Variants in PARVG observed in about 807,000 individuals in gnomAD.
The protein encoded by PARVG is gamma-parvin.
In PARVG, 36 loss-of-function variants were observed where a neutral mutation model predicts 44.4. That is an observed-to-expected ratio of 0.81 (90% CI 0.62 to 1.07). The LOEUF (loss-of-function observed/expected upper bound fraction) is 1.07, where lower values mean the gene tolerates loss of function less well. Among genes scored for constraint, PARVG ranks in the 50% least tolerant of loss-of-function variants. The pLI, the probability that PARVG is intolerant of heterozygous loss-of-function variation, is 0.00. For missense variants in PARVG, 407 were observed against 407.4 expected, an observed-to-expected ratio of 1.00 and a Z score of 0.01; for synonymous variants, 170 against 174.1, an observed-to-expected ratio of 0.98 and a Z score of 0.19.
chr22:44,183,373 G>A lies in PARVG; in HGVS notation c.44G>A (p.Gly15Glu), dbSNP rs146468235. 7 of 1,609,736 alleles carry A rather than the reference G, an allele frequency of 4.3e-6. No homozygotes were observed. Among genetic ancestry groups the A allele is most frequent in the South Asian group, 1.1e-5 (1 of 89,914 alleles). Residue 15 changes from glycine (G) to glutamate (E), a missense_variant, in exon 3 of 14, where the codon GGG (glycine) becomes GAG (glutamate). Physicochemically the swap from Gly to Glu is moderately conservative, Grantham distance 98. Transcript: ENST00000444313. ...TACGACCTGCTGCAGCTCCCCAAGG[G>A]GGTGGAGCCCCCAGCGGAGGAGGAG... ...FLYDLLQLPK[G>E]VEPPAEEELS...
At chr22:44,201,180 T>G (rs757177390) in intron 12 of PARVG, among the ~76,000 whole-genome samples, 104 of 152,182 alleles carry the variant, frequency 6.8e-4, no homozygotes, top group Non-Finnish European at 1.2e-3. Flanking sequence ...TCAGCTCCTC[T>G]GCAGTCCCTC....
intron 4 of PARVG, chr22:44,186,866 C>T (rs985918652): frequency 2.0e-5 from 7 of 351,970 alleles, no homozygotes; most frequent in South Asian, 8.3e-5. Flanking sequence ...GCCCAAGGGG[C>T]GATGGAGCTG....
intron 12 of PARVG, among the ~76,000 whole-genome samples, chr22:44,202,905 C>G (rs781052700): frequency 6.6e-6 from 1 of 152,214 alleles, no homozygotes; most frequent in Non-Finnish European, 1.5e-5. Context: ...TCCTTGGCGT[C>G]CTTCCACGTT....
rs2054396842 is a variant in PARVG at position 44,182,460 on chromosome 22, T to C, written c.-13+543T>C. On this transcript the variant is annotated intron_variant, in intron 2 of 13. Transcript: ENST00000444313. This position sits in a 1 kb window ranked among gnomAD's most constrained non-coding sequence, Gnocchi z 4.6. ...CTCCATGCTACAGGGCAGGATGGAG[T>C]CTGGCATCCCCCGCCCCAGGCTGGC... Among the ~76,000 whole-genome samples the C allele has an allele frequency of 6.6e-6, 1 of 151,632 alleles. No individual in the cohort carries two copies. The highest frequency in any genetic ancestry group is 6.6e-5 in the Admixed American group (1 of 15,232).
At position 44,185,855 on chromosome 22, in the gene PARVG, T is replaced by C. The variant is rs2054459201; in HGVS notation, c.127T>C (p.Phe43Leu). 1.9e-6 allele frequency: 3 copies of C among 1,613,296 alleles called. No individual in the cohort carries two copies. The highest frequency in any genetic ancestry group is 1.3e-5 in the African/African-American group (1 of 74,902). Residue 43 changes from phenylalanine (F) to leucine (L), a missense_variant, in exon 4 of 14, where the codon TTT becomes CTT. By Grantham distance (22) the Phe-to-Leu change is conservative. Transcript: ENST00000444313. ...LPPTSRKDPKFEELQKVLMEW... is the reference protein window; with the variant it reads ...LPPTSRKDPKLEELQKVLMEW... The stretch of plus-strand genomic sequence containing the variant: ...ACCCACTTCCCGGAAGGACCCCAAA[T>C]TTGAAGAACTGCAGAAGGTACAGCA...
rs1213873319 is a variant in PARVG, at chr22:44,208,338, C to G, written c.*1912C>G. ...ATCCAGACATGGGACATTCCCATCA[C>G]CATGCAAGTTTCTGCATCTGTCTGC... On this transcript the variant is annotated 3_prime_UTR_variant, in exon 14 of 14. Coordinates refer to ENST00000444313, the MANE Select transcript of PARVG (RefSeq NM_022141.7). The G allele has an allele frequency of 6.6e-6, 1 of 152,250 alleles. No individual in the cohort carries two copies. The highest frequency in any genetic ancestry group is 1.5e-5 in the Non-Finnish European group (1 of 68,042). 9.4% of individuals were successfully genotyped at this position (152,250 alleles called of 1,614,324 possible).
chr22:44,176,997 T>C (rs1017683978), upstream of PARVG, among the ~76,000 whole-genome samples: 2 of 152,126 alleles, frequency 1.3e-5, no homozygotes, highest in Admixed American at 1.3e-4. Context: ...CATGATTCAG[T>C]TACCTCCCAC....
chr22:44,189,303 G>A (rs1202686702), intron 6 of PARVG, 49 bp downstream of exon 6: 1 of 1,598,412 alleles, frequency 6.3e-7, no homozygotes, highest in South Asian at 1.1e-5. Flanking sequence ...GGGCCGCTGG[G>A]GTCCTTCTGC....
rs371123994 is a variant in PARVG, at chr22:44,181,834, A to C, written c.-96A>C. On this transcript the variant is annotated 5_prime_UTR_variant, in exon 2 of 14. Coordinates refer to ENST00000444313, the MANE Select transcript of PARVG (RefSeq NM_022141.7). ...CCTGGTCCCCGAAGACCCCAGAAGAACCCGGAACTTGCTTCCATTCGGAAT... is the reference window on the plus strand; with the variant it reads ...CCTGGTCCCCGAAGACCCCAGAAGACCCCGGAACTTGCTTCCATTCGGAAT... 17 of 985,258 alleles carry C rather than the reference A, an allele frequency of 1.7e-5. No individual in the cohort carries two copies. In the East Asian group the frequency reaches 1.1e-3, roughly 66 times the overall value. The allele number at this position is 985,258 out of a possible 1,614,324, so 61.0% of individuals were successfully genotyped here.
chr22:44,178,795 A>T (rs2054341826), upstream of PARVG, among the ~76,000 whole-genome samples: 1 of 152,034 alleles, frequency 6.6e-6, no homozygotes. Flanking sequence ...ATTAAAAAAA[A>T]TACAGCTGTA....
chr22:44,192,396 T>C (rs2054560552), intron 8 of PARVG, among the ~76,000 whole-genome samples: 1 of 152,180 alleles, frequency 6.6e-6, no homozygotes, highest in African/African-American at 2.4e-5. Context: ...TCTGTCTCTC[T>C]AGTGTGAGCA....
chr22:44,194,032 G>A (rs1414894284), intron 9 of PARVG, among the ~76,000 whole-genome samples: 1 of 152,184 alleles, frequency 6.6e-6, no homozygotes, highest in East Asian at 1.9e-4. Flanking sequence ...TGTTCCTGTG[G>A]GGAGAGAGAT....
chr22:44,194,033 G>T (rs1056973217), intron 9 of PARVG, among the ~76,000 whole-genome samples: 1 of 152,178 alleles, frequency 6.6e-6, no homozygotes, highest in African/African-American at 2.4e-5. Flanking sequence ...GTTCCTGTGG[G>T]GAGAGAGATT....
Position 44,181,878 on chromosome 22 carries a change from A to G in PARVG, c.-52A>G, listed in dbSNP as rs2147216751. On this transcript the variant is annotated 5_prime_UTR_variant, in exon 2 of 14. Transcript: ENST00000444313. ...TCGGAATCCAGGGACCACCCTTTGC[A>G]CTCAGTAGGCCTTTGTTTTCCTGCG... 3 of 985,352 alleles carry G rather than the reference A, an allele frequency of 3.0e-6. No individual in the cohort carries two copies. Among genetic ancestry groups the G allele is most frequent in the Non-Finnish European group, 3.6e-6 (3 of 829,978 alleles). The allele number at this position is 985,352 out of a possible 1,614,324, so 61.0% of individuals were successfully genotyped here.
At chr22:44,175,946 A>C (rs139109), upstream of PARVG, among the ~76,000 whole-genome samples, 1 of 151,578 alleles carries the variant, frequency 6.6e-6, no homozygotes, top group Non-Finnish European at 1.5e-5. Flanking sequence ...ACATGGTCAC[A>C]CCGGACAGCT....
chr22:44,177,589 C>T (rs986589929), upstream of PARVG, among the ~76,000 whole-genome samples: 1 of 152,086 alleles, frequency 6.6e-6, no homozygotes, highest in Non-Finnish European at 1.5e-5. Flanking sequence ...GAATGTCTTG[C>T]AGCTTGGATT....
intron 9 of PARVG, among the ~76,000 whole-genome samples, chr22:44,194,968 C>T (rs1401050890): frequency 6.6e-6 from 1 of 152,234 alleles, no homozygotes; most frequent in Non-Finnish European, 1.5e-5. Context: ...CATATCCATC[C>T]ATCCTAACAC....
intron 1 of PARVG, among the ~76,000 whole-genome samples, chr22:44,173,350 G>A (rs551427391): frequency 1.2e-3 from 178 of 152,246 alleles, no homozygotes; most frequent in South Asian, 2.9e-3. Context: ...GTAAGTGACC[G>A]CTGTTGACTC....
At position 44,187,596 on chromosome 22, in the gene PARVG, C is replaced by G. The variant is rs144195767; in HGVS notation, c.145-180C>G. On this transcript the variant is annotated intron_variant, in intron 4 of 13. Coordinates refer to ENST00000444313, the MANE Select transcript of PARVG (RefSeq NM_022141.7). ...GAGAGAAGCAGGGAGTCTGCAGGAA[C>G]CTGGGGCAGGCCCCTAACAGCCTGG... is the stretch of plus-strand genomic sequence containing the variant. 1.3e-4 allele frequency: 81 copies of G among 634,704 alleles called. No homozygotes were observed. The African/African-American group carries it at 1.4e-3, about 11-fold the overall frequency. The allele number at this position is 634,704 out of a possible 1,614,324, so 39.3% of individuals were successfully genotyped here.
Sources: gnomAD v4.1 joint callset for allele counts (sites outside exome capture counted in the v4.1 genomes callset) on GRCh38, gnomAD v4.1.1 for gene constraint, Gnocchi (gnomAD v3.1) non-coding constraint, MANE v1.5 for transcripts, NCBI Gene and HGNC (gene_info 2026-07-23, HGNC 2026-07-21) for gene names.